The following KIF23 variants were observed in gnomAD, a reference collection of about 807,000 sequenced individuals.
KIF23 encodes the protein kinesin family member 23.
A neutral mutation model predicts 137.5 loss-of-function variants in KIF23; 30 were observed. The ratio of observed to expected loss-of-function variants is 0.22; its 90% confidence interval spans 0.16 to 0.30. The LOEUF is 0.30. Among genes scored for constraint, KIF23 ranks in the 10% least tolerant of loss-of-function variants. The probability of loss-of-function intolerance (pLI) is 1.00; values close to 1 mark genes in which losing one functional copy is unlikely to be tolerated. For synonymous variants in KIF23, 367 were observed against 391.1 expected, an observed-to-expected ratio of 0.94 and a Z score of 0.73; for missense variants, 920 against 1,194.3, an observed-to-expected ratio of 0.77 and a Z score of 3.38.
chr15:69,443,854 A>T (rs1384520620), intron 19 of KIF23: 1 of 151,968 alleles, frequency 6.6e-6, no homozygotes, highest in African/African-American at 2.4e-5. Flanking sequence ...ATCTTGGCTC[A>T]CTGCAATTTC....
intron 11 of KIF23, among the ~76,000 whole-genome samples, chr15:69,431,613 CA>C (rs58235050): frequency 0.82 from 112,145 of 136,886 alleles, 47,330 homozygotes; most frequent in Non-Finnish European, 0.96. Flanking sequence ...GACTCCGTCT[CA>C]AAAAAAAAAA....
At chr15:69,418,739 G>GA (rs1333161121) in intron 3 of KIF23, among the ~76,000 whole-genome samples, 1 of 152,172 alleles carries the variant, frequency 6.6e-6, no homozygotes, top group Non-Finnish European at 1.5e-5. Context: ...GTGCTAGATG[G>GA]AACTGCCCGT....
At chr15:69,445,232 AT>A (rs2057715393) in intron 20 of KIF23, among the ~76,000 whole-genome samples, 191 bp downstream of exon 20, 1 of 152,220 alleles carries the variant, frequency 6.6e-6, no homozygotes, top group Non-Finnish European at 1.5e-5. Context: ...GGGACTAAGT[AT>A]GCTTTAAATA....
chr15:69,417,553 G>A (rs1203461958), intron 3 of KIF23, 42 bp downstream of exon 3: 3 of 1,581,900 alleles, frequency 1.9e-6, no homozygotes, highest in Non-Finnish European at 2.6e-6. Context: ...TCAATATGTT[G>A]TTTCCTGAAT....
chr15:69,442,359 T>G (rs1325962602), intron 19 of KIF23, among the ~76,000 whole-genome samples: 2 of 152,256 alleles, frequency 1.3e-5, no homozygotes, highest in African/African-American at 4.8e-5. Context: ...AAGTTTCTTT[T>G]GAATCTGAAT....
At chr15:69,430,600 G>A (rs1328617363) in intron 11 of KIF23, among the ~76,000 whole-genome samples, 1 of 152,190 alleles carries the variant, frequency 6.6e-6, no homozygotes, top group Non-Finnish European at 1.5e-5. Context: ...TAAAGGCAAC[G>A]TTCCTGTCCC....
Position 69,437,694 on chromosome 15 carries a change from C to T in KIF23, c.1598-554C>T, listed in dbSNP as rs189859070. On this transcript the variant is annotated intron_variant, in intron 15 of 23. Coordinates refer to ENST00000679126, the MANE Select transcript of KIF23 (RefSeq NM_001367805.3). ...CAGGCTGGTCTCAAACTCCTGACAT[C>T]GTGATCCACCCACCTTGGCCTCCCA... 4.6e-5 allele frequency among the ~76,000 whole-genome samples: 7 copies of T among 152,082 alleles called. No homozygotes were observed. In the East Asian group the frequency reaches 1.4e-3, roughly 29 times the overall value.
At chr15:69,438,465 G>A in intron 16 of KIF23, 60 bp downstream of exon 16, 1 of 1,471,084 alleles carries the variant, frequency 6.8e-7, no homozygotes, top group Non-Finnish European at 9.1e-7. Context: ...TGTTCTCTGA[G>A]GGAGATATTG....
intron 1 of KIF23, chr15:69,414,810 T>C (rs2140301055): frequency 3.3e-6 from 1 of 301,112 alleles, no homozygotes; most frequent in South Asian, 1.4e-4. Flanking sequence ...GGACAGCCTT[T>C]CCCTTCTCCC....
chr15:69,434,804 G>T (rs1258323800), intron 11 of KIF23: 2 of 1,012,554 alleles, frequency 2.0e-6, no homozygotes, highest in Admixed American at 1.9e-5. Context: ...CCTTCTTCTT[G>T]CACTCATCCT....
intron 8 of KIF23, 36 bp from the exon 9 acceptor site, chr15:69,426,034 A>G (rs1190435597): frequency 1.5e-6 from 2 of 1,334,218 alleles, no homozygotes; most frequent in South Asian, 1.5e-5. Context: ...AGCATCTCAT[A>G]ATTTAGGAGA....
intron 11 of KIF23, among the ~76,000 whole-genome samples, chr15:69,433,630 A>G (rs773269589): frequency 1.3e-5 from 2 of 152,162 alleles, no homozygotes; most frequent in Non-Finnish European, 2.9e-5. Context: ...TCAAGCCTCA[A>G]CCCATCTGTG....
chr15:69,420,427 G>T (rs1375056103), intron 3 of KIF23, among the ~76,000 whole-genome samples: 1 of 152,160 alleles, frequency 6.6e-6, no homozygotes, highest in Admixed American at 6.5e-5. Flanking sequence ...CTCAGTATTA[G>T]CCTATGTGTA....
intron 8 of KIF23, 200 bp from the exon 9 acceptor site, chr15:69,425,866 CTAAT>C (rs2057175767): frequency 5.7e-6 from 1 of 175,240 alleles, no homozygotes; most frequent in Admixed American, 6.2e-5. Flanking sequence ...TGTTACTTAA[CTAAT>C]CTTGACTATT....
chr15:69,447,045 A>G, intron 23 of KIF23, 104 bp downstream of exon 23: 1 of 1,133,946 alleles, frequency 8.8e-7, no homozygotes, highest in African/African-American at 1.5e-5. Context: ...TTCAGAAGAA[A>G]TATATGGTTT....
At chr15:69,428,660 C>CAAAAAAAAAAA (rs59950355) in intron 10 of KIF23, among the ~76,000 whole-genome samples, 3 of 74,054 alleles carry the variant, frequency 4.1e-5, no homozygotes, top group African/African-American at 1.2e-4. Context: ...CTCTGTCTCC[C>CAAAAAAAAAAA]AAAAAAAAAA....
intron 11 of KIF23, chr15:69,435,021 G>T: frequency 1.7e-6 from 1 of 589,090 alleles, no homozygotes; most frequent in Non-Finnish European, 3.0e-6. Context: ...CACCGCGTTG[G>T]CATCTCCCTG....
In KIF23 at chr15:69,418,860, C is replaced by T. The variant is rs745667638; in HGVS notation, c.210+1349C>T. 2.0e-3 allele frequency among the ~76,000 whole-genome samples: 308 copies of T among 152,240 alleles called. 4 individuals are homozygous for T. The highest frequency in any genetic ancestry group is 3.1e-4 in the Non-Finnish European group (21 of 68,016). ...AGTGCCAGATGGAGGCTCATGCCTG[C>T]AGTCTCAGCACTTTGGGAGGCCAAG... On this transcript the variant is annotated intron_variant, in intron 3 of 23. Coordinates refer to ENST00000679126, the MANE Select transcript of KIF23 (RefSeq NM_001367805.3).
chr15:69,427,212 T>C (rs781687632), intron 10 of KIF23, among the ~76,000 whole-genome samples: 7 of 152,218 alleles, frequency 4.6e-5, no homozygotes, highest in Non-Finnish European at 8.8e-5. Context: ...ATGAAAATAC[T>C]ACACCATTTT....
Sources: gnomAD v4.1 joint callset for allele counts (sites outside exome capture counted in the v4.1 genomes callset) on GRCh38, gnomAD v4.1.1 for gene constraint, MANE v1.5 for transcripts, NCBI Gene and HGNC (gene_info 2026-07-23, HGNC 2026-07-21) for gene names.